Variants in PCDHGA2 observed in about 807,000 individuals in gnomAD.
The protein encoded by PCDHGA2 is protocadherin gamma-A2.
Under a neutral mutation model 59.2 loss-of-function variants are expected in PCDHGA2, and 40 were observed. The observed-to-expected ratio is 0.68, with a 90% CI of 0.52 to 0.88. The LOEUF (loss-of-function observed/expected upper bound fraction) is 0.88. PCDHGA2 is among the 40% of genes least tolerant of loss of function. The probability of loss-of-function intolerance (pLI) is 0.00; values close to 1 mark genes in which losing one functional copy is unlikely to be tolerated. For missense variants in PCDHGA2, 1,226 were observed against 1,204.0 expected, an observed-to-expected ratio of 1.02 and a Z score of -0.27; for synonymous variants, 560 against 526.0, an observed-to-expected ratio of 1.06 and a Z score of -0.89.
chr5:141,493,560 C>T lies in PCDHGA2; in HGVS notation c.2425-1247C>T, dbSNP rs1222578153. ...TTATCCTTTTGGAGATTGAGTTCCCCCAGCTCCGTTTCCTCCTATCACAAT... is the reference window on the plus strand; with the variant it reads ...TTATCCTTTTGGAGATTGAGTTCCCTCAGCTCCGTTTCCTCCTATCACAAT... On this transcript the variant is annotated intron_variant, in intron 1 of 3. Transcript: ENST00000394576. The surrounding 1 kb of genome is among the most constrained non-coding windows in gnomAD (Gnocchi z 4.3). Among the ~76,000 whole-genome samples, 4 of 152,162 alleles carry T rather than the reference C, an allele frequency of 2.6e-5. No individual in the cohort carries two copies. The highest frequency in any genetic ancestry group is 2.1e-4 in the South Asian group (1 of 4,830).
In PCDHGA2 at chr5:141,352,265, C is replaced by T. The variant is rs760271009; in HGVS notation, c.2424+10870C>T. ...CGCGGATAGCCTGCAAGAGGTATTGCCAGACCTCAGCGACCGCCCTGAGCC... is the reference window on the plus strand; with the variant it reads ...CGCGGATAGCCTGCAAGAGGTATTGTCAGACCTCAGCGACCGCCCTGAGCC... On this transcript the variant is annotated intron_variant, in intron 1 of 3. Transcript: ENST00000394576. 3.2e-5 allele frequency: 52 copies of T among 1,613,966 alleles called. 1 individual carries two copies. Among genetic ancestry groups the T allele is most frequent in the Non-Finnish European group, 3.7e-5 (44 of 1,179,914 alleles).
intron 1 of PCDHGA2, chr5:141,375,811 G>T: frequency 6.2e-7 from 1 of 1,614,224 alleles, no homozygotes; most frequent in South Asian, 1.1e-5. Context: ...CTGGCGTGGA[G>T]CTGGCGCCCC....
intron 1 of PCDHGA2, among the ~76,000 whole-genome samples, chr5:141,425,402 A>C (rs1288785443): frequency 6.6e-6 from 1 of 152,222 alleles, no homozygotes; most frequent in Non-Finnish European, 1.5e-5. Flanking sequence ...AAGTTCTGTT[A>C]AGGTATAACA....
chr5:141,374,296 G>A, intron 1 of PCDHGA2: 3 of 1,613,974 alleles, frequency 1.9e-6, no homozygotes, highest in Non-Finnish European at 2.5e-6. Flanking sequence ...CCAGAGGTAG[G>A]ATGCAGCTTT....
chr5:141,345,201 C>A, intron 1 of PCDHGA2: 1 of 1,613,964 alleles, frequency 6.2e-7, no homozygotes, highest in Non-Finnish European at 8.5e-7. Context: ...CCTGGGAAAT[C>A]TGCCATTTAA....
In PCDHGA2 at chr5:141,339,402, A is replaced by G; in HGVS notation, c.431A>G (p.Glu144Gly). Residue 144 changes from glutamate (E) to glycine (G), a missense_variant, in exon 1 of 4, where the codon GAA (glutamate) becomes GGA (glycine). By Grantham distance (98) the Glu-to-Gly change is moderately conservative. Transcript: ENST00000394576. ...GVEELELKIS[E>G]TTTPGFRIPL... The stretch of plus-strand genomic sequence containing the variant: ...GAGGAACTGGAGCTAAAAATCAGTG[A>G]AACCACTACGCCAGGATTCCGGATT... 1 of 1,614,236 alleles carries G rather than the reference A, an allele frequency of 6.2e-7. No homozygotes were observed. The highest frequency in any genetic ancestry group is 8.5e-7 in the Non-Finnish European group (1 of 1,180,038).
chr5:141,370,322 C>G, intron 1 of PCDHGA2: 6 of 1,366,842 alleles, frequency 4.4e-6, no homozygotes, highest in Non-Finnish European at 5.0e-6. Flanking sequence ...GTTGGTCCTG[C>G]TCGGAGAACT....
rs1269612127 is a variant in PCDHGA2, at chr5:141,352,326, T to C, written c.2424+10931T>C. 5 of 1,614,058 alleles carry C rather than the reference T, an allele frequency of 3.1e-6. No individual in the cohort carries two copies. In the Admixed American group the frequency reaches 5.0e-5, roughly 16 times the overall value. On this transcript the variant is annotated intron_variant, in intron 1 of 3. Transcript: ENST00000394576. ...CAGACGGAACTGCAGTTTTACCTGG[T>C]TGTGGCCTTGGCCTTGATCTCAGTG...
intron 1 of PCDHGA2, chr5:141,417,843 G>C: frequency 6.5e-7 from 1 of 1,539,250 alleles, no homozygotes; most frequent in Non-Finnish European, 8.8e-7. Context: ...GGGACCCAGC[G>C]AGAACCCGAG....
chr5:141,403,775 G>A (rs760589412), intron 1 of PCDHGA2: 2 of 1,613,866 alleles, frequency 1.2e-6, no homozygotes, highest in Admixed American at 1.7e-5. Context: ...GGGAATCAAC[G>A]GAAAAGTGGC....
In PCDHGA2 at chr5:141,427,233, G is replaced by A. The variant is rs147039909; in HGVS notation, c.2425-67574G>A. On this transcript the variant is annotated intron_variant, in intron 1 of 3. Transcript: ENST00000394576. Reference sequence around the variant, plus strand: ...ATTTCGTAGCAGTTATACCATGAGAGTAGAAGCTAAGGATGGTGGAGGCAT... The same window carrying A: ...ATTTCGTAGCAGTTATACCATGAGAATAGAAGCTAAGGATGGTGGAGGCAT... 180 of 456,756 alleles carry A rather than the reference G, an allele frequency of 3.9e-4. 1 individual carries two copies. The highest frequency in any genetic ancestry group is 3.5e-3 in the African/African-American group (176 of 50,196). The allele number at this position is 456,756 out of a possible 1,614,324, so 28.3% of individuals were successfully genotyped here.
intron 1 of PCDHGA2, chr5:141,405,249 G>C: frequency 1.2e-6 from 2 of 1,614,128 alleles, no homozygotes; most frequent in Non-Finnish European, 1.7e-6. Flanking sequence ...TCAAGGAAGA[G>C]TCACCTGATC....
chr5:141,364,396 G>A (rs1763298819), intron 1 of PCDHGA2: 4 of 1,604,434 alleles, frequency 2.5e-6, no homozygotes, highest in Non-Finnish European at 3.4e-6. Context: ...TCCTGGGGAC[G>A]CTGTGCGAGC....
chr5:141,344,205 G>C, intron 1 of PCDHGA2: 1 of 1,614,036 alleles, frequency 6.2e-7, no homozygotes, highest in Non-Finnish European at 8.5e-7. Flanking sequence ...AGAGCCCCGG[G>C]AGCTGGCGGA....
chr5:141,499,423 G>GA (rs1229901490), intron 2 of PCDHGA2, among the ~76,000 whole-genome samples: 1 of 151,754 alleles, frequency 6.6e-6, no homozygotes, highest in Non-Finnish European at 1.5e-5. Flanking sequence ...ATGAAAAATA[G>GA]AAAAAAAATT....
Position 141,340,217 on chromosome 5 carries a change from TC to T in PCDHGA2, c.1248del (p.Tyr418ThrfsTer5). The T allele has an allele frequency of 1.9e-6, 3 of 1,614,182 alleles. No homozygotes were observed. The highest frequency in any genetic ancestry group is 2.5e-6 in the Non-Finnish European group (3 of 1,180,022). On this transcript the variant is annotated frameshift_variant, in exon 1 of 4. Coordinates refer to ENST00000394576, the MANE Select transcript of PCDHGA2 (RefSeq NM_018915.4). LOFTEE classifies it high-confidence loss of function. ...TTRALDREQF[S>X]FYNITLTAKD... ...CAGAGCCCTTGACAGGGAACAGTTT[TC>T]CTTTTACAACATCACTCTAACCGCT... is the stretch of plus-strand genomic sequence containing the variant.
chr5:141,390,064 C>T, intron 1 of PCDHGA2: 1 of 1,614,060 alleles, frequency 6.2e-7, no homozygotes. Flanking sequence ...TGCTTCCAGC[C>T]TGGTCTCTGT....
chr5:141,376,204 C>A lies in PCDHGA2; in HGVS notation c.2424+34809C>A, dbSNP rs185484474. 2.5e-6 allele frequency: 4 copies of A among 1,614,198 alleles called. No individual in the cohort carries two copies. In the African/African-American group the frequency reaches 5.3e-5, roughly 22 times the overall value. On this transcript the variant is annotated intron_variant, in intron 1 of 3. Coordinates refer to ENST00000394576, the MANE Select transcript of PCDHGA2 (RefSeq NM_018915.4). The stretch of plus-strand genomic sequence containing the variant: ...CGGTCTCCTGCGTCTTCCTGGCCTT[C>A]GTCATCGTGCTGCTGGCGCTCAGAC...
chr5:141,478,758 T>C (rs1333135263), intron 1 of PCDHGA2: 2 of 1,515,540 alleles, frequency 1.3e-6, no homozygotes, highest in South Asian at 1.3e-5. Flanking sequence ...AGGGGGAAGA[T>C]ACTTGACTCA....
Sources: gnomAD v4.1 joint callset for allele counts (sites outside exome capture counted in the v4.1 genomes callset) on GRCh38, gnomAD v4.1.1 for gene constraint, Gnocchi (gnomAD v3.1) non-coding constraint, MANE v1.5 for transcripts, NCBI Gene and HGNC (gene_info 2026-07-23, HGNC 2026-07-21) for gene names.